The following PTPRM variants were observed in gnomAD, a reference collection of about 807,000 sequenced individuals.
PTPRM encodes receptor-type tyrosine-protein phosphatase mu.
In PTPRM, 47 loss-of-function variants were observed where a neutral mutation model predicts 186.7. That is an observed-to-expected ratio of 0.25 (90% CI 0.20 to 0.32). PTPRM has a LOEUF of 0.32. PTPRM is among the 10% of genes least tolerant of loss of function. The pLI, the probability that PTPRM is intolerant of heterozygous loss-of-function variation, is 1.00. For missense variants in PTPRM, 1,494 were observed against 1,865.0 expected (o/e 0.80, Z 3.66); for synonymous variants, 668 against 674.9 (o/e 0.99, Z 0.16).
At chr18:7,955,446 A>G (rs772192984) in intron 7 of PTPRM, 32 bp downstream of exon 7, 1 of 1,582,520 alleles carries the variant, frequency 6.3e-7, no homozygotes, top group East Asian at 2.2e-5. Context: ...ATTAATTGTC[A>G]TTGTCTTTCC....
At chr18:8,388,280 A>G (rs550728324) in intron 31 of PTPRM, among the ~76,000 whole-genome samples, 1 of 152,368 alleles carries the variant, frequency 6.6e-6, no homozygotes, top group South Asian at 2.1e-4. Flanking sequence ...AAGTATCATT[A>G]GAAGTACACA....
At chr18:7,988,105 A>C (rs1785813411) in intron 7 of PTPRM, among the ~76,000 whole-genome samples, 1 of 151,764 alleles carries the variant, frequency 6.6e-6, no homozygotes. Context: ...GGATCGCTTG[A>C]GTCTGGGAGG....
chr18:8,052,422 A>C (rs2087573022), intron 7 of PTPRM, among the ~76,000 whole-genome samples: 1 of 152,164 alleles, frequency 6.6e-6, no homozygotes, highest in South Asian at 2.1e-4. Context: ...AGATACAAAA[A>C]TAGTTACCAC....
chr18:7,725,312 C>T (rs1365419561), intron 1 of PTPRM, among the ~76,000 whole-genome samples: 1 of 152,132 alleles, frequency 6.6e-6, no homozygotes, highest in African/African-American at 2.4e-5. Context: ...ATTCCCAGTT[C>T]TCCATATTTT....
chr18:8,028,239 T>C lies in PTPRM; in HGVS notation c.1133-41447T>C, dbSNP rs1168547174. Among the ~76,000 whole-genome samples, 5 of 152,304 alleles carry C rather than the reference T, an allele frequency of 3.3e-5. No homozygotes were observed. In the South Asian group the frequency reaches 8.3e-4, roughly 25 times the overall value. On this transcript the variant is annotated intron_variant, in intron 7 of 32. Coordinates refer to ENST00000580170, the MANE Select transcript of PTPRM (RefSeq NM_001105244.2). ...CTGGTCTGGAACTCCTGGCCACAAGTGATCCTCCCACCTTGGTCTCCCAAA... is the reference window on the plus strand; with the variant it reads ...CTGGTCTGGAACTCCTGGCCACAAGCGATCCTCCCACCTTGGTCTCCCAAA...
intron 23 of PTPRM, among the ~76,000 whole-genome samples, chr18:8,363,089 G>A (rs550895635): frequency 2.0e-5 from 3 of 152,358 alleles, no homozygotes; most frequent in South Asian, 4.1e-4. Context: ...AGGGCTGTCT[G>A]AATGACTGGC....
intron 5 of PTPRM, among the ~76,000 whole-genome samples, chr18:7,944,274 A>T (rs1889657102): frequency 6.6e-6 from 1 of 152,196 alleles, no homozygotes; most frequent in East Asian, 1.9e-4. Flanking sequence ...ATGTTACTGC[A>T]GTAGAGTACA....
At chr18:7,903,444 G>A (rs2049807759) in intron 3 of PTPRM, among the ~76,000 whole-genome samples, 1 of 152,176 alleles carries the variant, frequency 6.6e-6, no homozygotes, top group Non-Finnish European at 1.5e-5. Context: ...TTCCTGGGAG[G>A]CAGGATGTGA....
At position 8,034,735 on chromosome 18, in the gene PTPRM, GTA is replaced by G. The variant is rs558052425; in HGVS notation, c.1133-34945_1133-34944del. On this transcript the variant is annotated intron_variant, in intron 7 of 32. Coordinates refer to ENST00000580170, the MANE Select transcript of PTPRM (RefSeq NM_001105244.2). Reference sequence around the variant, plus strand: ...TTGTTTTCCTTTTCCTTGAACAATAGTATATATTTTCAGCCAAGTGGCTCTAT... The same window carrying G: ...TTGTTTTCCTTTTCCTTGAACAATAGTATATTTTCAGCCAAGTGGCTCTAT... 5.8e-4 allele frequency among the ~76,000 whole-genome samples: 89 copies of G among 152,254 alleles called. No homozygotes were observed. In the Middle Eastern group the frequency reaches 0.01, roughly 17 times the overall value.
intron 2 of PTPRM, among the ~76,000 whole-genome samples, chr18:7,811,826 C>A (rs1000237014): frequency 6.6e-6 from 1 of 152,254 alleles, no homozygotes; most frequent in South Asian, 2.1e-4. Flanking sequence ...CAATTATAAT[C>A]TATATTCTGA....
intron 2 of PTPRM, among the ~76,000 whole-genome samples, chr18:7,834,088 A>G (rs1405943556): frequency 6.6e-6 from 1 of 152,062 alleles, no homozygotes; most frequent in East Asian, 1.9e-4. Flanking sequence ...TGCTTTTACT[A>G]TGTTAAGGTA....
chr18:7,880,793 G>A (rs2048467996), intron 2 of PTPRM, among the ~76,000 whole-genome samples: 1 of 152,158 alleles, frequency 6.6e-6, no homozygotes, highest in African/African-American at 2.4e-5. Context: ...GAGGAGGGGT[G>A]TAACCTGGTA....
intron 7 of PTPRM, among the ~76,000 whole-genome samples, chr18:8,042,168 C>A (rs1056135206): frequency 6.6e-6 from 1 of 151,678 alleles, no homozygotes; most frequent in South Asian, 2.1e-4. Flanking sequence ...AAAATATATA[C>A]TGAGTGATTT....
chr18:7,952,684 A>C (rs1265235046), intron 6 of PTPRM, among the ~76,000 whole-genome samples: 1 of 144,778 alleles, frequency 6.9e-6, no homozygotes, highest in Non-Finnish European at 1.5e-5. Flanking sequence ...GCAAGACTCC[A>C]TCTCAAAAAA....
intron 4 of PTPRM, among the ~76,000 whole-genome samples, chr18:7,918,078 TTGTGTGTGTGTGTG>T (rs35838540): frequency 1.4e-5 from 2 of 147,992 alleles, no homozygotes; most frequent in African/African-American, 5.1e-5. Flanking sequence ...TCTTGTGTGT[TTGTGTGTGTGTGTG>T]TGTGTGTGTG....
chr18:8,075,422 G>A (rs1211242545), intron 8 of PTPRM, among the ~76,000 whole-genome samples: 1 of 152,042 alleles, frequency 6.6e-6, no homozygotes, highest in African/African-American at 2.4e-5. Context: ...ACCAAAAAAT[G>A]TGATCATGTG....
At chr18:7,625,942 G>A (rs1181078462) in intron 1 of PTPRM, among the ~76,000 whole-genome samples, 1 of 152,212 alleles carries the variant, frequency 6.6e-6, no homozygotes, top group Non-Finnish European at 1.5e-5. Flanking sequence ...GGGCCCATGA[G>A]CCTGGGTTTG....
At position 8,113,626 on chromosome 18, in the gene PTPRM, C is replaced by T. The variant is rs866150776; in HGVS notation, c.1997C>T (p.Pro666Leu). The T allele has an allele frequency of 6.2e-7, 1 of 1,614,008 alleles. No homozygotes were observed. Among genetic ancestry groups the T allele is most frequent in the African/African-American group, 1.3e-5 (1 of 74,902 alleles). ...CAGTACTACTTTGCTGCAGAATTTCCTGCAGACAGCCTCCAAGCTGCGCAG... is the reference window on the plus strand; with the variant it reads ...CAGTACTACTTTGCTGCAGAATTTCTTGCAGACAGCCTCCAAGCTGCGCAG... Reference protein sequence around the residue: ...NSQYYFAAEFPADSLQAAQPF... With the variant: ...NSQYYFAAEFLADSLQAAQPF... The change falls in exon 12 of 33, where the codon CCT (proline) becomes CTT (leucine). Residue 666 changes from proline to leucine, a missense_variant. This residue lies in a region of PTPRM where 1,107 missense variants were observed against 1,350.2 expected (regional missense o/e 0.82). Coordinates refer to ENST00000580170, the MANE Select transcript of PTPRM (RefSeq NM_001105244.2).
At chr18:8,348,642 G>A (rs1464100957) in intron 23 of PTPRM, among the ~76,000 whole-genome samples, 1 of 152,194 alleles carries the variant, frequency 6.6e-6, no homozygotes, top group East Asian at 1.9e-4. Flanking sequence ...TACACCGTTT[G>A]TGTGGAGATT....
Sources: allele counts gnomAD v4.1 joint callset (sites outside exome capture counted in the v4.1 genomes callset), GRCh38; gene constraint gnomAD v4.1.1; regional missense constraint gnomAD v4.1.1; transcripts MANE v1.5; gene names NCBI Gene and HGNC (gene_info 2026-07-23, HGNC 2026-07-21).